DMXL2: variants seen among roughly 807,000 people sequenced by gnomAD.
The protein encoded by DMXL2 is Dmx like 2, also known as dmX-like protein 2.
In DMXL2, 103 loss-of-function variants were observed where a neutral mutation model predicts 331.1. The observed-to-expected ratio is 0.31, with a 90% CI of 0.27 to 0.37. The LOEUF (loss-of-function observed/expected upper bound fraction) is 0.37. Among genes scored for constraint, DMXL2 ranks in the 10% least tolerant of loss-of-function variants. DMXL2 has a pLI of 1.00. For synonymous variants in DMXL2, 1,281 were observed against 1,252.1 expected (o/e 1.02, Z -0.49); for missense variants, 3,171 against 3,642.9 (o/e 0.87, Z 3.33).
chr15:51,565,213 T>A (rs1263600576), intron 3 of DMXL2, 47 bp from the exon 4 acceptor site: 6 of 1,269,594 alleles, frequency 4.7e-6, no homozygotes, highest in Admixed American at 5.0e-5. Flanking sequence ...AAAAGATGTT[T>A]TTCAAATAAT....
intron 31 of DMXL2, 129 bp downstream of exon 31, chr15:51,465,437 A>G (rs2040486871): frequency 1.4e-6 from 1 of 739,262 alleles, no homozygotes; most frequent in Admixed American, 2.6e-5. Flanking sequence ...TAAAATAAAC[A>G]AGACTTTATA....
chr15:51,500,721 C>G (rs1249889232), intron 17 of DMXL2, among the ~76,000 whole-genome samples: 1 of 152,146 alleles, frequency 6.6e-6, no homozygotes, highest in Non-Finnish European at 1.5e-5. Flanking sequence ...AATTTTGTTT[C>G]AGACCGCAAA....
intron 3 of DMXL2, among the ~76,000 whole-genome samples, chr15:51,565,520 A>G (rs895888108): frequency 6.6e-6 from 1 of 152,160 alleles, no homozygotes. Flanking sequence ...CATCTCTGCT[A>G]TGAAGCCTTC....
At position 51,488,086 on chromosome 15, in the gene DMXL2, G is replaced by A. The variant is rs1254102690; in HGVS notation, c.5085C>T (p.Phe1695=). ...ATCTATCTTCATTAAAGTTGTGGCT[G>A]AAAAATGTTGTCATTTTTTCATCAT... ...SQHDEKMTTF[F]SHNFNEDRWR... is the part of the protein sequence containing the mutation. Residue 1695 remains phenylalanine (F), a synonymous_variant, in exon 22 of 44, where the codon TTC becomes TTT. Coordinates refer to ENST00000560891, the MANE Select transcript of DMXL2 (RefSeq NM_001378457.1). 2 of 1,608,944 alleles carry A rather than the reference G, an allele frequency of 1.2e-6. No individual in the cohort carries two copies. The highest frequency in any genetic ancestry group is 1.7e-5 in the Admixed American group (1 of 59,010).
chr15:51,578,013 T>C (rs1459472953), intron 1 of DMXL2, among the ~76,000 whole-genome samples: 1 of 152,170 alleles, frequency 6.6e-6, no homozygotes, highest in Admixed American at 6.6e-5. Flanking sequence ...CCAGTTACTC[T>C]AATGGGGAGA....
chr15:51,476,843 C>G, intron 26 of DMXL2, 124 bp from the exon 27 acceptor site: 1 of 654,744 alleles, frequency 1.5e-6, no homozygotes, highest in South Asian at 3.5e-5. Context: ...ATTCACTGTT[C>G]TAATAAAAAT....
At chr15:51,561,462 C>A (rs1206982209) in intron 6 of DMXL2, among the ~76,000 whole-genome samples, 1 of 152,116 alleles carries the variant, frequency 6.6e-6, no homozygotes, top group African/African-American at 2.4e-5. Context: ...ACCAGACAGG[C>A]CAGTTCTGAG....
intron 28 of DMXL2, 70 bp downstream of exon 28, chr15:51,474,274 C>A: frequency 1.4e-6 from 2 of 1,464,992 alleles, no homozygotes; most frequent in Non-Finnish European, 9.1e-7. Context: ...TTTCTTGAAA[C>A]ATTAAAAAAA....
chr15:51,564,287 A>C (rs373216401), intron 4 of DMXL2, 27 bp from the exon 5 acceptor site: 3 of 1,509,636 alleles, frequency 2.0e-6, no homozygotes, highest in Non-Finnish European at 2.7e-6. Context: ...GTTATGATGA[A>C]TATGCAAATA....
At chr15:51,610,231 A>G (rs1279571845) in intron 1 of DMXL2, among the ~76,000 whole-genome samples, 1 of 152,254 alleles carries the variant, frequency 6.6e-6, no homozygotes, top group Non-Finnish European at 1.5e-5. Context: ...CAATTCACCA[A>G]GAAGATATAA....
chr15:51,458,401 A>G lies in DMXL2; in HGVS notation c.8198+105T>C, dbSNP rs1173629576. ...ATTATATTTGTCACCTACCCAAATG[A>G]AGGAGATACACGTATACCTTTTGAA... On this transcript the variant is annotated intron_variant, in intron 36 of 43. Coordinates refer to ENST00000560891, the MANE Select transcript of DMXL2 (RefSeq NM_001378457.1). 1.1e-5 allele frequency: 14 copies of G among 1,236,542 alleles called. No homozygotes were observed. The Admixed American group carries it at 3.2e-4, about 28-fold the overall frequency. 76.6% of individuals were successfully genotyped at this position (1,236,542 alleles called of 1,614,324 possible). A position where few individuals can be genotyped will look rare whatever the true frequency, so the allele number is the denominator to read the frequency against.
rs117002547 is a variant in DMXL2 at position 51,462,167 on chromosome 15, G to A, written c.7926+1212C>T. ...AATTACCATTCAGGTAAGTGGGTGA[G>A]TGGGAAAAAGAACAAGTATGGTAGG... On this transcript the variant is annotated intron_variant, in intron 33 of 43. Transcript: ENST00000560891. 4.9e-3 allele frequency among the ~76,000 whole-genome samples: 747 copies of A among 152,230 alleles called. 2 individuals are homozygous for A. The highest frequency in any genetic ancestry group is 0.01 in the Middle Eastern group (3 of 294).
intron 12 of DMXL2, 61 bp downstream of exon 12, chr15:51,536,105 G>C: frequency 7.4e-7 from 1 of 1,355,540 alleles, no homozygotes; most frequent in South Asian, 1.5e-5. Context: ...AAACCATTTC[G>C]TATATAACAA....
chr15:51,480,129 A>C lies in DMXL2; in HGVS notation c.6575T>G (p.Val2192Gly), dbSNP rs1384790016. ...LLQESQQETT[V>G]KQLQSPLPLP... Reference sequence around the variant, plus strand: ...TGGTAGTGGAGACTGGAGCTGCTTTACTGTAGTTTCCTGTGGGTGATAGTG... The same window carrying C: ...TGGTAGTGGAGACTGGAGCTGCTTTCCTGTAGTTTCCTGTGGGTGATAGTG... The change falls in exon 25 of 44, where the codon GTA becomes GGA. Residue 2192 changes from valine to glycine, a missense_variant. Physicochemically the swap from Val to Gly is moderately radical, Grantham distance 109 (BLOSUM62 -3). Coordinates refer to ENST00000560891, the MANE Select transcript of DMXL2 (RefSeq NM_001378457.1). 2 of 1,544,004 alleles carry C rather than the reference A, an allele frequency of 1.3e-6. No homozygotes were observed. Among genetic ancestry groups the C allele is most frequent in the Non-Finnish European group, 1.8e-6 (2 of 1,137,214 alleles).
intron 13 of DMXL2, among the ~76,000 whole-genome samples, chr15:51,525,709 G>A (rs2047632735): frequency 6.6e-6 from 1 of 152,086 alleles, no homozygotes; most frequent in Admixed American, 6.5e-5. Context: ...AAGCTCGTCT[G>A]CCTTTGGAAA....
chr15:51,565,008 TG>T, intron 4 of DMXL2, 79 bp downstream of exon 4: 1 of 809,624 alleles, frequency 1.2e-6, no homozygotes, highest in Non-Finnish European at 1.8e-6. Flanking sequence ...TTTCTTATTA[TG>T]GGAGACTATA....
chr15:51,605,749 T>A (rs1257974486), intron 1 of DMXL2, among the ~76,000 whole-genome samples: 2 of 60,292 alleles, frequency 3.3e-5, no homozygotes, highest in African/African-American at 1.0e-4. Flanking sequence ...TTCACCTTGT[T>A]AGCCAGGATG....
chr15:51,557,611 C>A (rs2049687061), intron 6 of DMXL2, among the ~76,000 whole-genome samples: 1 of 152,056 alleles, frequency 6.6e-6, no homozygotes, highest in South Asian at 2.1e-4. Context: ...GGAGGACTTG[C>A]CCTACCAGAT....
intron 19 of DMXL2, among the ~76,000 whole-genome samples, chr15:51,493,400 G>A (rs954686480): frequency 4.6e-5 from 7 of 152,114 alleles, no homozygotes; most frequent in Admixed American, 3.9e-4. Flanking sequence ...ATTAGGTTCA[G>A]AAAGTAAGAT....
Sources: gnomAD v4.1 joint callset for allele counts (sites outside exome capture counted in the v4.1 genomes callset) on GRCh38, gnomAD v4.1.1 for gene constraint, MANE v1.5 for transcripts, NCBI Gene and HGNC (gene_info 2026-07-23, HGNC 2026-07-21) for gene names.